Variants in STK32B observed in about 807,000 individuals in gnomAD.
STK32B encodes the protein serine/threonine-protein kinase 32B.
Under a neutral mutation model 52.6 loss-of-function variants are expected in STK32B, and 43 were observed. That is an observed-to-expected ratio of 0.82 (90% CI 0.64 to 1.05). The LOEUF (loss-of-function observed/expected upper bound fraction) is 1.05. Ranked by LOEUF, STK32B falls within the 50% of genes least tolerant of loss-of-function variation. STK32B has a pLI of 0.00. For missense variants in STK32B, 621 were observed against 534.6 expected, an observed-to-expected ratio of 1.16 and a Z score of -1.59; for synonymous variants, 238 against 204.3, an observed-to-expected ratio of 1.17 and a Z score of -1.41.
chr4:5,469,834 C>T lies in STK32B; in HGVS notation c.1106+1764C>T, dbSNP rs762187319. Among the ~76,000 whole-genome samples the T allele has an allele frequency of 2.0e-5, 3 of 152,172 alleles. No individual in the cohort carries two copies. Among genetic ancestry groups the T allele is most frequent in the Non-Finnish European group, 4.4e-5 (3 of 68,028 alleles). On this transcript the variant is annotated intron_variant, in intron 11 of 11. Coordinates refer to ENST00000282908, the MANE Select transcript of STK32B (RefSeq NM_018401.3). This position sits in a 1 kb window ranked among gnomAD's most constrained non-coding sequence, Gnocchi z 4.7. ...CGGGGGCTGATGTCGTGAGTGGTTT[C>T]GGAGCTTATCCCAATTTGCCTGTGG...
upstream of STK32B, among the ~76,000 whole-genome samples, chr4:5,047,449 C>T (rs1380286561): frequency 1.3e-5 from 2 of 151,882 alleles, no homozygotes; most frequent in South Asian, 2.1e-4. Flanking sequence ...ACATGTATCC[C>T]GGAACTTAAA....
chr4:5,179,679 T>G (rs796708015), intron 3 of STK32B, among the ~76,000 whole-genome samples: 29 of 152,286 alleles, frequency 1.9e-4, no homozygotes, highest in African/African-American at 6.5e-4. Context: ...AGATCATTGG[T>G]CAGTACTCAG....
At chr4:5,097,855 A>G (rs1713486058) in intron 1 of STK32B, among the ~76,000 whole-genome samples, 1 of 152,232 alleles carries the variant, frequency 6.6e-6, no homozygotes, top group Non-Finnish European at 1.5e-5. Context: ...TAACCTTTTA[A>G]CATTGCTTAA....
chr4:5,291,988 T>C (rs531135695), intron 3 of STK32B, among the ~76,000 whole-genome samples: 1 of 152,262 alleles, frequency 6.6e-6, no homozygotes, highest in African/African-American at 2.4e-5. Flanking sequence ...ATAAGTAGTT[T>C]TACCACGTTT....
intron 3 of STK32B, among the ~76,000 whole-genome samples, chr4:5,211,673 C>A (rs1722912382): frequency 6.6e-6 from 1 of 152,156 alleles, no homozygotes; most frequent in South Asian, 2.1e-4. Context: ...TGTTAACTCA[C>A]CATGTGCAAT....
chr4:5,077,767 T>G (rs996459732), intron 1 of STK32B, among the ~76,000 whole-genome samples: 3 of 152,136 alleles, frequency 2.0e-5, no homozygotes, highest in African/African-American at 7.2e-5. Flanking sequence ...TCAGGGAGTC[T>G]TAGAGCCCTG....
rs1717743027 is a variant in STK32B at position 5,470,151 on chromosome 4, G to A, written c.1106+2081G>A. 6.6e-6 allele frequency among the ~76,000 whole-genome samples: 1 copy of A among 152,184 alleles called. No individual in the cohort carries two copies. The highest frequency in any genetic ancestry group is 2.4e-5 in the African/African-American group (1 of 41,434). ...GTGAGAATGAGACATCCTTCCCTGT[G>A]TCATTTAGGAGTTGCGTCTGCTGCT... On this transcript the variant is annotated intron_variant, in intron 11 of 11. Transcript: ENST00000282908. This position sits in a 1 kb window ranked among gnomAD's most constrained non-coding sequence, Gnocchi z 4.6.
the STK32B span, among the ~76,000 whole-genome samples, chr4:5,034,916 G>A: frequency 6.6e-6 from 1 of 152,138 alleles, no homozygotes; most frequent in Non-Finnish European, 1.5e-5. Flanking sequence ...ATCTGCTCCC[G>A]GCCACTCCAC....
rs1377008808 is a variant in STK32B, at chr4:5,159,743, ATATGAATG to A, written c.109-8552_109-8545del. Among the ~76,000 whole-genome samples the A allele has an allele frequency of 2.1e-3, 294 of 140,126 alleles. 17 individuals carry two copies. The highest frequency in any genetic ancestry group is 7.7e-3 in the African/African-American group (282 of 36,676). 91.9% of individuals were successfully genotyped at this position (140,126 alleles called of 152,430 possible). The stretch of plus-strand genomic sequence containing the variant: ...AATGTATATGAATATATATATGAAT[ATATGAATG>A]TATATGAATATATATATGAATATAT... On this transcript the variant is annotated intron_variant, in intron 2 of 11. Transcript: ENST00000282908.
intron 3 of STK32B, among the ~76,000 whole-genome samples, chr4:5,310,900 C>T (rs1380564656): frequency 1.3e-5 from 2 of 152,068 alleles, no homozygotes; most frequent in Non-Finnish European, 2.9e-5. Flanking sequence ...CATGGATGAG[C>T]TTGATGAACA....
chr4:5,186,945 G>T (rs1720790127), intron 3 of STK32B, among the ~76,000 whole-genome samples: 1 of 152,222 alleles, frequency 6.6e-6, no homozygotes, highest in Non-Finnish European at 1.5e-5. Flanking sequence ...GTGGGTCACA[G>T]GATGCACCTG....
intron 3 of STK32B, among the ~76,000 whole-genome samples, chr4:5,325,577 C>A (rs1440705465): frequency 1.3e-5 from 2 of 152,118 alleles, no homozygotes; most frequent in Non-Finnish European, 2.9e-5. Flanking sequence ...TCACCTGAAT[C>A]CTTTCTGGAA....
At chr4:5,461,253 A>G (rs1164739855) in intron 9 of STK32B, among the ~76,000 whole-genome samples, 1 of 152,166 alleles carries the variant, frequency 6.6e-6, no homozygotes, top group East Asian at 1.9e-4. Context: ...GAAAGAGACA[A>G]CATTTGCTCT....
intron 4 of STK32B, among the ~76,000 whole-genome samples, chr4:5,352,953 C>T: frequency 6.6e-6 from 1 of 152,042 alleles, no homozygotes; most frequent in Non-Finnish European, 1.5e-5. Flanking sequence ...ATAGCCAACG[C>T]AATCCTAAGC....
intron 3 of STK32B, among the ~76,000 whole-genome samples, chr4:5,242,328 T>A (rs1725095222): frequency 6.6e-6 from 1 of 152,266 alleles, no homozygotes; most frequent in East Asian, 1.9e-4. Context: ...TGATGGCCAG[T>A]GATGATGAGC....
At chr4:5,242,269 C>G (rs975896378) in intron 3 of STK32B, among the ~76,000 whole-genome samples, 8 of 152,224 alleles carry the variant, frequency 5.3e-5, no homozygotes, top group Admixed American at 3.3e-4. Context: ...GATCGCCATT[C>G]TAACTGGTGT....
At chr4:5,475,029 G>C (rs566067699) in intron 11 of STK32B, among the ~76,000 whole-genome samples, 5 of 152,282 alleles carry the variant, frequency 3.3e-5, no homozygotes, top group African/African-American at 1.2e-4. Flanking sequence ...AGGAATTCCA[G>C]CCAGAGATGA....
chr4:5,122,546 TACTC>T (rs1029764906), intron 1 of STK32B, among the ~76,000 whole-genome samples: 41 of 148,632 alleles, frequency 2.8e-4, no homozygotes, highest in Admixed American at 1.2e-3. Flanking sequence ...CTCATTCTTT[TACTC>T]ACTCATTCAC....
intron 1 of STK32B, among the ~76,000 whole-genome samples, chr4:5,109,458 G>A (rs953647144): frequency 4.6e-5 from 7 of 152,180 alleles, no homozygotes; most frequent in Admixed American, 3.3e-4. Context: ...AATACAGAAT[G>A]CTGTGATAGA....
Sources: allele counts gnomAD v4.1 joint callset (sites outside exome capture counted in the v4.1 genomes callset), GRCh38; gene constraint gnomAD v4.1.1; non-coding constraint Gnocchi (gnomAD v3.1); transcripts MANE v1.5; gene names NCBI Gene and HGNC (gene_info 2026-07-23, HGNC 2026-07-21).